Variants in RPS6KC1 observed in about 807,000 individuals in gnomAD.
RPS6KC1 encodes the protein ribosomal protein S6 kinase C1.
Under a neutral mutation model 103.8 loss-of-function variants are expected in RPS6KC1, and 54 were observed. The ratio of observed to expected loss-of-function variants is 0.52; its 90% confidence interval spans 0.42 to 0.65. The LOEUF (loss-of-function observed/expected upper bound fraction) is 0.65, where lower values mean the gene tolerates loss of function less well. Ranked by LOEUF, RPS6KC1 falls within the 30% of genes least tolerant of loss-of-function variation. RPS6KC1 has a pLI of 0.00. For missense variants in RPS6KC1, 1,151 were observed against 1,253.8 expected (o/e 0.92, Z 1.24); for synonymous variants, 439 against 438.7 (o/e 1.00, Z -0.01).
chr1:213,533,353 C>T, the RPS6KC1 span, among the ~76,000 whole-genome samples: 3 of 152,272 alleles, frequency 2.0e-5, no homozygotes, highest in South Asian at 6.2e-4. Context: ...AACAGAGAAA[C>T]AAGAATCAGG....
chr1:213,206,596 G>GATA (rs1161425639), intron 8 of RPS6KC1, among the ~76,000 whole-genome samples: 1 of 152,170 alleles, frequency 6.6e-6, no homozygotes, highest in African/African-American at 2.4e-5. Context: ...CAAAGTCTTA[G>GATA]AAAGTCCTTT....
chr1:213,245,598 A>G (rs2094441872), intron 12 of RPS6KC1, among the ~76,000 whole-genome samples: 1 of 152,236 alleles, frequency 6.6e-6, no homozygotes, highest in South Asian at 2.1e-4. Context: ...CCTGTGCTTT[A>G]TAATATCAGC....
the RPS6KC1 span, among the ~76,000 whole-genome samples, chr1:213,374,160 C>A: frequency 6.6e-6 from 1 of 152,210 alleles, no homozygotes; most frequent in Non-Finnish European, 1.5e-5. Flanking sequence ...GTATCAATTT[C>A]TCTATTTATA....
At chr1:213,756,714 T>C in the RPS6KC1 span, among the ~76,000 whole-genome samples, 1 of 152,092 alleles carries the variant, frequency 6.6e-6, no homozygotes, top group Non-Finnish European at 1.5e-5. Flanking sequence ...CCCTCTGGGC[T>C]CAAGCGATCC....
chr1:213,239,524 GA>G (rs1314445868), intron 10 of RPS6KC1, among the ~76,000 whole-genome samples: 1 of 151,964 alleles, frequency 6.6e-6, no homozygotes, highest in African/African-American at 2.4e-5. Context: ...TGTGAAGTAG[GA>G]AGAGGTATTT....
the RPS6KC1 span, among the ~76,000 whole-genome samples, chr1:213,815,969 T>A: frequency 6.6e-6 from 1 of 152,178 alleles, no homozygotes; most frequent in African/African-American, 2.4e-5. Flanking sequence ...GGGTTATTAT[T>A]TGGCCTAATT....
chr1:213,456,624 A>G, the RPS6KC1 span, among the ~76,000 whole-genome samples: 2 of 152,122 alleles, frequency 1.3e-5, no homozygotes, highest in Non-Finnish European at 2.9e-5. Context: ...ATTAATTTAT[A>G]CCCTTTCATG....
chr1:213,831,869 C>T, the RPS6KC1 span, among the ~76,000 whole-genome samples: 1 of 152,134 alleles, frequency 6.6e-6, no homozygotes, highest in Non-Finnish European at 1.5e-5. Context: ...TGAATATGAG[C>T]CAAGACAGTG....
the RPS6KC1 span, among the ~76,000 whole-genome samples, chr1:213,530,864 T>G: frequency 6.6e-6 from 1 of 152,220 alleles, no homozygotes; most frequent in East Asian, 1.9e-4. Context: ...TCACCCTCAC[T>G]CTGCTCAGTC....
the RPS6KC1 span, among the ~76,000 whole-genome samples, chr1:213,745,768 C>T: frequency 4.6e-5 from 7 of 152,150 alleles, no homozygotes. Context: ...TTAGTGACTC[C>T]CGTCCTCCCG....
intron 3 of RPS6KC1, among the ~76,000 whole-genome samples, chr1:213,102,581 A>G (rs2082110326): frequency 6.6e-6 from 1 of 150,824 alleles, no homozygotes; most frequent in East Asian, 1.9e-4. Context: ...GGCAATTACA[A>G]TTTTTTTTTT....
chr1:213,842,425 G>T, the RPS6KC1 span, among the ~76,000 whole-genome samples: 2 of 152,192 alleles, frequency 1.3e-5, no homozygotes, highest in East Asian at 1.9e-4. Flanking sequence ...GGCAGTGAGA[G>T]ATATTTTGGG....
chr1:213,214,253 C>T (rs1187348306), intron 8 of RPS6KC1, among the ~76,000 whole-genome samples: 2 of 152,272 alleles, frequency 1.3e-5, no homozygotes, highest in African/African-American at 4.8e-5. Flanking sequence ...TTGAAGGGTC[C>T]TACGTACACG....
At chr1:213,138,925 T>C (rs1022075973) in intron 6 of RPS6KC1, among the ~76,000 whole-genome samples, 2 of 152,212 alleles carry the variant, frequency 1.3e-5, no homozygotes, top group Admixed American at 6.5e-5. Flanking sequence ...TTGAGGAATC[T>C]CCAGACTGCT....
the RPS6KC1 span, among the ~76,000 whole-genome samples, chr1:213,451,636 C>T: frequency 6.6e-6 from 1 of 152,202 alleles, no homozygotes; most frequent in Admixed American, 6.5e-5. Flanking sequence ...ATTCTACCAT[C>T]TCCATGAGGC....
At chr1:213,696,974 C>CT in the RPS6KC1 span, among the ~76,000 whole-genome samples, 1 of 152,242 alleles carries the variant, frequency 6.6e-6, no homozygotes, top group Non-Finnish European at 1.5e-5. Context: ...AGACAAGAGG[C>CT]TGTCACCTAT....
At chr1:213,291,627 A>G in the RPS6KC1 span, among the ~76,000 whole-genome samples, 1 of 152,240 alleles carries the variant, frequency 6.6e-6, no homozygotes, top group Non-Finnish European at 1.5e-5. Flanking sequence ...TGGAGCCCAG[A>G]GAGACCAAAG....
At chr1:213,274,975 C>T (rs1352193293), downstream of RPS6KC1, among the ~76,000 whole-genome samples, 2 of 152,182 alleles carry the variant, frequency 1.3e-5, no homozygotes, top group East Asian at 3.9e-4. Context: ...ATTCCACACT[C>T]CAGCTCCTAG....
chr1:213,637,212 CA>C, the RPS6KC1 span, among the ~76,000 whole-genome samples: 4 of 152,216 alleles, frequency 2.6e-5, no homozygotes, highest in East Asian at 7.7e-4. Flanking sequence ...GGCAATTCCT[CA>C]AGGATCTAGA....
Sources: allele counts gnomAD v4.1 joint callset (sites outside exome capture counted in the v4.1 genomes callset), GRCh38; gene constraint gnomAD v4.1.1; transcripts MANE v1.5; gene names NCBI Gene and HGNC (gene_info 2026-07-23, HGNC 2026-07-21).